The following CALM2 variants were observed in gnomAD, a reference collection of about 807,000 sequenced individuals.
CALM2 encodes the protein calmodulin 2.
In CALM2, 2 loss-of-function variants were observed where a neutral mutation model predicts 19.8. The ratio of observed to expected loss-of-function variants is 0.10; its 90% confidence interval spans 0.04 to 0.32. CALM2 has a LOEUF of 0.32. Among genes scored for constraint, CALM2 ranks in the 10% least tolerant of loss-of-function variants. CALM2 has a pLI of 1.00. For synonymous variants in CALM2, 51 were observed against 52.1 expected, an observed-to-expected ratio of 0.98 and a Z score of 0.09; for missense variants, 38 against 178.7, an observed-to-expected ratio of 0.21 and a Z score of 4.49.
At chr2:47,176,698 G>T, upstream of CALM2, 11 of 1,416,580 alleles carry the variant, frequency 7.8e-6, no homozygotes, top group South Asian at 1.6e-4. Flanking sequence ...TGGGCGAACG[G>T]ATGACGTAAG....
At chr2:47,173,672 T>G (rs78434200) in intron 1 of CALM2, 1 of 152,208 alleles carries the variant, frequency 6.6e-6, no homozygotes, top group African/African-American at 2.4e-5. Flanking sequence ...TGAATAAATG[T>G]GTGAGCCCAT....
rs141298844 is a variant in CALM2, at chr2:47,162,328, G to A, written c.243C>T (p.Asp81=). 1,197 of 1,612,308 alleles carry A rather than the reference G, an allele frequency of 7.4e-4. 3 individuals are homozygous for A. The highest frequency in any genetic ancestry group is 2.6e-3 in the Middle Eastern group (16 of 6,056). Residue 81 remains aspartate (D), a synonymous_variant, in exon 4 of 6, where the codon GAC becomes GAT. Transcript: ENST00000272298. Reference sequence around the variant, plus strand: ...ATGCTTCTCTAATTTCTTCTTCACTGTCTGTGTCTTTCATTTTTCTTGCCA... The same window carrying A: ...ATGCTTCTCTAATTTCTTCTTCACTATCTGTGTCTTTCATTTTTCTTGCCA... ...TMMARKMKDT[D]SEEEIREAFR...
At chr2:47,176,396 C>CT in intron 1 of CALM2, 45 bp downstream of exon 1, 1 of 1,610,120 alleles carries the variant, frequency 6.2e-7, no homozygotes, top group Non-Finnish European at 8.5e-7. Flanking sequence ...GCTCCAGTCT[C>CT]TTCCCCCCAC....
intron 2 of CALM2, among the ~76,000 whole-genome samples, chr2:47,168,341 A>G (rs988853832): frequency 6.6e-6 from 1 of 152,162 alleles, no homozygotes; most frequent in African/African-American, 2.4e-5. Flanking sequence ...TTGGAAACCT[A>G]ATTTTATGAT....
At chr2:47,169,463 TGAG>T in intron 2 of CALM2, among the ~76,000 whole-genome samples, 3 of 152,240 alleles carry the variant, frequency 2.0e-5, no homozygotes, top group Middle Eastern at 6.8e-3. Context: ...CTATTTTTTT[TGAG>T]GAGACATGAG....
chr2:47,170,673 C>T (rs1398574771), intron 2 of CALM2, 61 bp downstream of exon 2: 14 of 1,218,450 alleles, frequency 1.1e-5, no homozygotes, highest in African/African-American at 3.0e-5. Flanking sequence ...CTTATTCTGA[C>T]GTTGGCTATT....
chr2:47,166,335 C>T (rs1666471138), intron 2 of CALM2, among the ~76,000 whole-genome samples: 1 of 152,178 alleles, frequency 6.6e-6, no homozygotes, highest in Non-Finnish European at 1.5e-5. Context: ...TCTTTTAACA[C>T]CACCATTAGG....
At chr2:47,166,714 G>C (rs977475909) in intron 2 of CALM2, among the ~76,000 whole-genome samples, 1 of 152,056 alleles carries the variant, frequency 6.6e-6, no homozygotes, top group Non-Finnish European at 1.5e-5. Flanking sequence ...CTGTACTTCA[G>C]AACTAGCGTA....
Position 47,161,597 on chromosome 2 carries a change from TG to T in CALM2, c.421+125del. 4 of 772,498 alleles carry T rather than the reference TG, an allele frequency of 5.2e-6. No homozygotes were observed. The South Asian group carries it at 7.8e-5, about 15-fold the overall frequency. 47.9% of individuals were successfully genotyped at this position (772,498 alleles called of 1,614,324 possible). A position where few individuals can be genotyped will look rare whatever the true frequency, so the allele number is the denominator to read the frequency against. ...CACTCTGAATTTTAAGAAGGTTAAA[TG>T]TAAGTAACTGTTTTAGCAACCTAAT... On this transcript the variant is annotated intron_variant, in intron 5 of 5. Coordinates refer to ENST00000272298, the MANE Select transcript of CALM2 (RefSeq NM_001743.6).
chr2:47,172,446 T>C, intron 1 of CALM2: 2 of 961,306 alleles, frequency 2.1e-6, no homozygotes, highest in South Asian at 1.4e-5. Context: ...TGAGATGCTA[T>C]GTACAAAGCT....
chr2:47,165,807 C>T (rs555194738), intron 2 of CALM2, among the ~76,000 whole-genome samples: 1 of 152,296 alleles, frequency 6.6e-6, no homozygotes, highest in South Asian at 2.1e-4. Flanking sequence ...TCTATACTCC[C>T]AGGCAACCCT....
chr2:47,172,605 C>A (rs962312346), intron 1 of CALM2: 2 of 439,632 alleles, frequency 4.5e-6, no homozygotes, highest in African/African-American at 4.2e-5. Flanking sequence ...TTACTCTATT[C>A]AATGTTAACT....
chr2:47,165,265 T>G (rs1666427791), intron 2 of CALM2, among the ~76,000 whole-genome samples: 1 of 152,174 alleles, frequency 6.6e-6, no homozygotes. Flanking sequence ...ATTTCCTAGC[T>G]CTGTTTCTTC....
chr2:47,162,212 AC>A, intron 4 of CALM2, 73 bp downstream of exon 4: 2 of 668,366 alleles, frequency 3.0e-6, no homozygotes, highest in Admixed American at 3.2e-5. Flanking sequence ...AACCAAAAAA[AC>A]ACAAGTCTTC....
intron 1 of CALM2, among the ~76,000 whole-genome samples, chr2:47,175,810 C>A (rs1214519249): frequency 3.4e-5 from 5 of 147,982 alleles, no homozygotes; most frequent in African/African-American, 1.2e-4. Flanking sequence ...TCCCGCGAGG[C>A]GCTCGCCCGC....
intron 2 of CALM2, among the ~76,000 whole-genome samples, chr2:47,168,889 T>C (rs1417834167): frequency 1.3e-5 from 2 of 152,116 alleles, no homozygotes; most frequent in Non-Finnish European, 2.9e-5. Context: ...GTGATTCTCC[T>C]GCATCAGCCT....
chr2:47,176,817 G>T, upstream of CALM2: 4 of 985,422 alleles, frequency 4.1e-6, no homozygotes, highest in Non-Finnish European at 3.6e-6. Flanking sequence ...CCCGTTGGTC[G>T]TTGAGCCTGC....
At position 47,170,756 on chromosome 2, in the gene CALM2, T is replaced by C. The variant is rs1666639036; in HGVS notation, c.12A>G (p.Gln4=). 4 of 1,613,138 alleles carry C rather than the reference T, an allele frequency of 2.5e-6. No individual in the cohort carries two copies. In the South Asian group the frequency reaches 3.3e-5, roughly 13 times the overall value. MAD[Q]LTEEQIAEFK... ...CACCTGCAATCTGCTCTTCAGTCAG[T>C]TGGTCAGCCTACAAAGAGATCAAAG... Residue 4 remains glutamine, a synonymous_variant, in exon 2 of 6, where the codon CAA becomes CAG. Transcript: ENST00000272298.
At chr2:47,167,807 T>G (rs1666533383) in intron 2 of CALM2, 1 of 62,670 alleles carries the variant, frequency 1.6e-5, no homozygotes, top group African/African-American at 5.2e-5. Flanking sequence ...AAATTTTTTT[T>G]TCTTTTCTTT....
Sources: allele counts gnomAD v4.1 joint callset (sites outside exome capture counted in the v4.1 genomes callset), GRCh38; gene constraint gnomAD v4.1.1; transcripts MANE v1.5; gene names NCBI Gene and HGNC (gene_info 2026-07-23, HGNC 2026-07-21).